The following NUMA1 variants were observed in gnomAD, a reference collection of about 807,000 sequenced individuals.
NUMA1 encodes the protein SP-H antigen.
A neutral mutation model predicts 237.1 loss-of-function variants in NUMA1; 62 were observed. The ratio of observed to expected loss-of-function variants is 0.26; its 90% CI spans 0.21 to 0.32. NUMA1 has a LOEUF of 0.32. Ranked by LOEUF, NUMA1 falls within the 10% of genes least tolerant of loss-of-function variation. The pLI is 1.00. For missense variants in NUMA1, 2,533 were observed against 2,666.5 expected, an observed-to-expected ratio of 0.95 and a Z score of 1.10; for synonymous variants, 1,028 against 1,066.1, an observed-to-expected ratio of 0.96 and a Z score of 0.70.
chr11:72,013,032 G>A lies in NUMA1; in HGVS notation c.4471C>T (p.Leu1491=). 6.2e-7 allele frequency: 1 copy of A among 1,614,196 alleles called. No individual in the cohort carries two copies. Among genetic ancestry groups the A allele is most frequent in the East Asian group, 2.2e-5 (1 of 44,876 alleles). The change falls in exon 15 of 27, where the codon CTG becomes TTG. Residue 1491 remains leucine, a synonymous_variant. Transcript: ENST00000393695. The surrounding 1 kb of genome is among the most constrained non-coding windows in gnomAD (Gnocchi z 6.8). Reference sequence around the variant, plus strand: ...TGTGCTTCTCGCTGCACCTCAGCCAGACGGGTCTCAGCATCAGCACGTACG... The same window carrying A: ...TGTGCTTCTCGCTGCACCTCAGCCAAACGGGTCTCAGCATCAGCACGTACG... ...AAVRADAETR[L]AEVQREAQST...
rs72522058 is a variant in NUMA1 at position 72,079,749 on chromosome 11, TAAAAA to T, written c.-103+704_-103+708del. Among the ~76,000 whole-genome samples the T allele has an allele frequency of 2.7e-3, 385 of 144,690 alleles. 4 individuals are homozygous for T. Among genetic ancestry groups the T allele is most frequent in the African/African-American group, 9.5e-3 (372 of 39,136 alleles). The allele number at this position is 144,690 out of a possible 152,430, so 94.9% of individuals were successfully genotyped here. ...ATGAAAAACAAAAACAAACAAAAAT[TAAAAA>T]AAAAAAAAAAAAAGACTTAACCTGT... On this transcript the variant is annotated intron_variant, in intron 1 of 26. Transcript: ENST00000393695.
intron 3 of NUMA1, among the ~76,000 whole-genome samples, chr11:72,030,493 T>G (rs1420971072): frequency 6.6e-6 from 1 of 152,230 alleles, no homozygotes; most frequent in African/African-American, 2.4e-5. Context: ...AATCAGTTTT[T>G]ACCACTAGAA....
chr11:72,025,742 T>G (rs1181865033), intron 4 of NUMA1, among the ~76,000 whole-genome samples: 1 of 152,064 alleles, frequency 6.6e-6, no homozygotes, highest in African/African-American at 2.4e-5. Flanking sequence ...TGAGTGTACC[T>G]CCCCCCATAC....
At chr11:72,021,061 C>T (rs1164183173) in intron 8 of NUMA1, 143 bp downstream of exon 8, 4 of 672,454 alleles carry the variant, frequency 5.9e-6, no homozygotes, top group East Asian at 2.7e-5. Context: ...AATCGACCTA[C>T]TCCATTACAC....
rs1565213209 is a variant in NUMA1 at position 72,015,074 on chromosome 11, ACTT to A, written c.2426_2428del (p.Glu809del). On this transcript the variant is annotated inframe_deletion, in exon 15 of 27. Transcript: ENST00000393695. This position sits in a 1 kb window ranked among gnomAD's most constrained non-coding sequence, Gnocchi z 4.0. ...CTCATACCGCTCACGCCAGGCAGCT[ACTT>A]CTTTGACGAGCTGCTCACACTCACT... The A allele has an allele frequency of 1.2e-6, 2 of 1,613,922 alleles. No individual in the cohort carries two copies. Among genetic ancestry groups the A allele is most frequent in the Admixed American group, 3.3e-5 (2 of 60,010 alleles).
At chr11:72,079,144 T>C (rs1442352925) in intron 1 of NUMA1, among the ~76,000 whole-genome samples, 1 of 152,186 alleles carries the variant, frequency 6.6e-6, no homozygotes, top group Non-Finnish European at 1.5e-5. Flanking sequence ...AAAGCATACA[T>C]TTATTCCCAT....
intron 8 of NUMA1, among the ~76,000 whole-genome samples, chr11:72,019,883 C>G (rs1187757502): frequency 6.6e-6 from 1 of 152,186 alleles, no homozygotes; most frequent in Non-Finnish European, 1.5e-5. Flanking sequence ...ACGGTGTCCT[C>G]TGGCTCAGAA....
Position 72,013,926 on chromosome 11 carries a change from C to T in NUMA1, c.3577G>A (p.Ala1193Thr). 4 of 1,613,972 alleles carry T rather than the reference C, an allele frequency of 2.5e-6. No homozygotes were observed. In the South Asian group the frequency reaches 4.4e-5, roughly 18 times the overall value. Residue 1193 changes from alanine to threonine, a missense_variant, in exon 15 of 27, where the codon GCT becomes ACT. By Grantham distance (58) the Ala-to-Thr change is moderately conservative. Coordinates refer to ENST00000393695, the MANE Select transcript of NUMA1 (RefSeq NM_006185.4). This position sits in a 1 kb window ranked among gnomAD's most constrained non-coding sequence, Gnocchi z 6.8. ...SALASAQREL[A>T]AFRTKVQDHS... ...TCTTGTACCTTGGTGCGGAAGGCAG[C>T]CAACTCCCGTTGGGCCGAGGCTAAG... is the stretch of plus-strand genomic sequence containing the variant.
chr11:72,058,436 T>G (rs771300493), intron 2 of NUMA1, among the ~76,000 whole-genome samples: 1 of 152,224 alleles, frequency 6.6e-6, no homozygotes, highest in Non-Finnish European at 1.5e-5. Flanking sequence ...TAACTCATAC[T>G]TTTAAAAAGC....
At chr11:72,010,752 C>T in intron 17 of NUMA1, 34 bp downstream of exon 17, 1 of 1,606,042 alleles carries the variant, frequency 6.2e-7, no homozygotes, top group Non-Finnish European at 8.5e-7. Flanking sequence ...CCTCCCTTGT[C>T]CAGAGGCCAG....
At chr11:72,031,865 C>T in intron 3 of NUMA1, among the ~76,000 whole-genome samples, 1 of 151,510 alleles carries the variant, frequency 6.6e-6, no homozygotes, top group Middle Eastern at 3.2e-3. Context: ...TGTGGTGGCT[C>T]ATGCCTGTAA....
intron 8 of NUMA1, among the ~76,000 whole-genome samples, chr11:72,020,072 C>T (rs187354935): frequency 6.6e-6 from 1 of 152,186 alleles, no homozygotes; most frequent in Non-Finnish European, 1.5e-5. Context: ...CCTCAAAACC[C>T]TTCTCTTTCC....
chr11:72,014,604 G>T lies in NUMA1; in HGVS notation c.2899C>A (p.Leu967Met), dbSNP rs1408180767. ...TCTGCCTCCCGCTCCATAGCCTGCAGCGCTGCCTGTGTGCTGCAGAACTGG... is the reference window on the plus strand; with the variant it reads ...TCTGCCTCCCGCTCCATAGCCTGCATCGCTGCCTGTGTGCTGCAGAACTGG... ...GRQFCSTQAALQAMEREAEQM... is the reference protein window; with the variant it reads ...GRQFCSTQAAMQAMEREAEQM... Residue 967 changes from leucine to methionine, a missense_variant, in exon 15 of 27, where the codon CTG becomes ATG. Transcript: ENST00000393695. The surrounding 1 kb of genome is among the most constrained non-coding windows in gnomAD (Gnocchi z 4.6). 1 of 1,607,080 alleles carries T rather than the reference G, an allele frequency of 6.2e-7. No individual in the cohort carries two copies. The highest frequency in any genetic ancestry group is 1.7e-5 in the Admixed American group (1 of 60,008).
At chr11:72,062,172 A>C (rs76709688) in intron 2 of NUMA1, among the ~76,000 whole-genome samples, 4,799 of 152,224 alleles carry the variant, frequency 0.032, 269 homozygotes, top group African/African-American at 0.11. Context: ...CAGGCAGGAA[A>C]GGTGTCATCC....
chr11:72,047,835 TTTTG>T (rs1472069215), intron 2 of NUMA1: 2 of 152,156 alleles, frequency 1.3e-5, no homozygotes, highest in Non-Finnish European at 2.9e-5. Context: ...TATTGGGCAG[TTTTG>T]TTTATTTTAC....
rs748586222 is a variant in NUMA1 at position 72,023,058 on chromosome 11, T to C, written c.291+7A>G. The stretch of plus-strand genomic sequence containing the variant: ...CCTGCCTCCCCAGTCTGGTATTCCA[T>C]AGGTACCTTCGCCAGTTCCAGCTCT... On this transcript the variant is annotated splice_region_variant and intron_variant, in intron 6 of 26. Transcript: ENST00000393695. 6.2e-7 allele frequency: 1 copy of C among 1,609,906 alleles called. No individual in the cohort carries two copies. The highest frequency in any genetic ancestry group is 2.2e-5 in the East Asian group (1 of 44,858).
At chr11:72,045,337 G>C (rs574897837) in intron 2 of NUMA1, among the ~76,000 whole-genome samples, 2 of 152,124 alleles carry the variant, frequency 1.3e-5, no homozygotes, top group African/African-American at 4.8e-5. Flanking sequence ...TATTCCCACT[G>C]TATCATTTGT....
At chr11:72,063,275 C>T (rs1009082144) in intron 2 of NUMA1, among the ~76,000 whole-genome samples, 2 of 151,988 alleles carry the variant, frequency 1.3e-5, no homozygotes, top group African/African-American at 4.8e-5. Flanking sequence ...CCCAGTTACT[C>T]GGGAGGCTGA....
intron 2 of NUMA1, among the ~76,000 whole-genome samples, chr11:72,058,009 TGCA>T (rs1278771697): frequency 6.6e-6 from 1 of 152,046 alleles, no homozygotes; most frequent in African/African-American, 2.4e-5. Context: ...AGGTGGAGGT[TGCA>T]GTGAGCCAAG....
Sources: gnomAD v4.1 joint callset for allele counts (sites outside exome capture counted in the v4.1 genomes callset) on GRCh38, gnomAD v4.1.1 for gene constraint, Gnocchi (gnomAD v3.1) non-coding constraint, MANE v1.5 for transcripts, NCBI Gene and HGNC (gene_info 2026-07-23, HGNC 2026-07-21) for gene names.